The following PDGFD variants were observed in gnomAD, a reference collection of about 807,000 sequenced individuals.
PDGFD encodes platelet derived growth factor D, also known as platelet-derived growth factor D.
In PDGFD, 30 loss-of-function variants were observed where a neutral mutation model predicts 44.7. That is an observed-to-expected ratio of 0.67 (90% CI 0.50 to 0.91). The LOEUF is 0.91. PDGFD is among the 40% of genes least tolerant of loss of function. The pLI, the probability that PDGFD is intolerant of heterozygous loss-of-function variation, is 0.00. For synonymous variants in PDGFD, 173 were observed against 168.4 expected (o/e 1.03, Z -0.21); for missense variants, 445 against 457.8 (o/e 0.97, Z 0.25).
chr11:104,007,163 T>A (rs553526122), intron 1 of PDGFD, among the ~76,000 whole-genome samples: 29 of 152,292 alleles, frequency 1.9e-4, no homozygotes, highest in African/African-American at 7.0e-4. Flanking sequence ...ATGCGGGGGA[T>A]CAGGGAAGTA....
At chr11:103,972,091 C>A (rs12420483) in intron 3 of PDGFD, among the ~76,000 whole-genome samples, 39,359 of 152,076 alleles carry the variant, frequency 0.26, 5,815 homozygotes, top group Admixed American at 0.44. Flanking sequence ...TAAAATGTTC[C>A]AGAAAATCAC....
chr11:103,992,092 AAATATTTGAC>A (rs1188645054), intron 3 of PDGFD, among the ~76,000 whole-genome samples: 21 of 152,352 alleles, frequency 1.4e-4, no homozygotes, highest in Admixed American at 1.3e-3. Context: ...TCTCGCTACC[AAATATTTGAC>A]AACATTATCC....
At chr11:104,066,796 C>T (rs768521780) in intron 1 of PDGFD, among the ~76,000 whole-genome samples, 17 of 152,122 alleles carry the variant, frequency 1.1e-4, no homozygotes, top group African/African-American at 1.7e-4. Context: ...ATAGTTCATA[C>T]GATCAAATCA....
chr11:103,996,259 G>A lies in PDGFD; in HGVS notation c.330-14C>T. The stretch of plus-strand genomic sequence containing the variant: ...ACAAAATCATACCTAGAATCAATTG[G>A]ACATAATGAACAAGTTTTGATTAAA... On this transcript the variant is annotated splice_polypyrimidine_tract_variant and intron_variant, in intron 2 of 6. Coordinates refer to ENST00000393158, the MANE Select transcript of PDGFD (RefSeq NM_025208.5). 6.3e-7 allele frequency: 1 copy of A among 1,589,944 alleles called. No individual in the cohort carries two copies.
At chr11:104,034,367 A>AT (rs1317712374) in intron 1 of PDGFD, among the ~76,000 whole-genome samples, 1 of 152,072 alleles carries the variant, frequency 6.6e-6, no homozygotes, top group Non-Finnish European at 1.5e-5. Flanking sequence ...ATAAGCAAAT[A>AT]TGAGTATAGA....
rs937700383 is a variant in PDGFD at position 103,964,645 on chromosome 11, T to G, written c.511-16921A>C. 4.6e-5 allele frequency among the ~76,000 whole-genome samples: 7 copies of G among 152,068 alleles called. No homozygotes were observed. In the South Asian group the frequency reaches 8.3e-4, roughly 18 times the overall value. Reference sequence around the variant, plus strand: ...CACCCTTCTAATCTCTATCCAACCCTAATAAAAGGAAAACCACTTTGGTTC... The same window carrying G: ...CACCCTTCTAATCTCTATCCAACCCGAATAAAAGGAAAACCACTTTGGTTC... On this transcript the variant is annotated intron_variant, in intron 3 of 6. Transcript: ENST00000393158.
At chr11:104,097,795 T>G (rs1377722502) in intron 1 of PDGFD, among the ~76,000 whole-genome samples, 1 of 152,180 alleles carries the variant, frequency 6.6e-6, no homozygotes, top group Non-Finnish European at 1.5e-5. Context: ...GTCCAACTAC[T>G]TAACAAATGG....
chr11:104,048,957 TG>T (rs1860484595), intron 1 of PDGFD, among the ~76,000 whole-genome samples: 1 of 152,182 alleles, frequency 6.6e-6, no homozygotes, highest in African/African-American at 2.4e-5. Flanking sequence ...ACAAAAAACC[TG>T]TAAGAATTAA....
intron 1 of PDGFD, among the ~76,000 whole-genome samples, chr11:104,065,314 T>A (rs1860773525): frequency 6.6e-6 from 1 of 152,180 alleles, no homozygotes; most frequent in Admixed American, 6.5e-5. Flanking sequence ...CTAATATAAC[T>A]ACTATTTCTA....
At chr11:104,011,948 G>C (rs1859792485) in intron 1 of PDGFD, among the ~76,000 whole-genome samples, 1 of 152,052 alleles carries the variant, frequency 6.6e-6, no homozygotes, top group South Asian at 2.1e-4. Flanking sequence ...GATGCTCAAG[G>C]AAATAAATTT....
intron 3 of PDGFD, among the ~76,000 whole-genome samples, chr11:103,953,777 A>T (rs185804067): frequency 6.6e-6 from 1 of 152,340 alleles, no homozygotes; most frequent in Non-Finnish European, 1.5e-5. Context: ...CCTGGTAGGA[A>T]ATAAAAGTGT....
Position 103,908,934 on chromosome 11 carries a change from A to G in PDGFD, c.*760T>C, listed in dbSNP as rs1159829971. 1 of 152,182 alleles carries G rather than the reference A, an allele frequency of 6.6e-6. No individual in the cohort carries two copies. The highest frequency in any genetic ancestry group is 2.1e-4 in the South Asian group (1 of 4,824). The allele number at this position is 152,182 out of a possible 1,614,324, so 9.4% of individuals were successfully genotyped here. On this transcript the variant is annotated 3_prime_UTR_variant, in exon 7 of 7. Transcript: ENST00000393158. Reference sequence around the variant, plus strand: ...GTCTTTTGTAGGACTATAATAAAAAACCTTCTAAGTAAGTTTTTGAGATAG... The same window carrying G: ...GTCTTTTGTAGGACTATAATAAAAAGCCTTCTAAGTAAGTTTTTGAGATAG...
At chr11:104,093,318 A>G (rs963102879) in intron 1 of PDGFD, among the ~76,000 whole-genome samples, 17 of 152,120 alleles carry the variant, frequency 1.1e-4, no homozygotes, top group African/African-American at 3.9e-4. Flanking sequence ...ACACACACAC[A>G]CGCACACACA....
At chr11:104,030,590 T>TC (rs1271922132) in intron 1 of PDGFD, among the ~76,000 whole-genome samples, 1 of 152,198 alleles carries the variant, frequency 6.6e-6, no homozygotes, top group Non-Finnish European at 1.5e-5. Context: ...ACAACCACTT[T>TC]TTGAGAAGCT....
At chr11:104,070,531 T>C (rs1413326853) in intron 1 of PDGFD, among the ~76,000 whole-genome samples, 1 of 152,186 alleles carries the variant, frequency 6.6e-6, no homozygotes, top group Non-Finnish European at 1.5e-5. Flanking sequence ...TCAATATGTG[T>C]TTAAAGTTCT....
chr11:104,059,411 T>C (rs1860675274), intron 1 of PDGFD, among the ~76,000 whole-genome samples: 1 of 152,218 alleles, frequency 6.6e-6, no homozygotes. Flanking sequence ...TATATCTTTA[T>C]CATCCATTAT....
chr11:103,938,166 A>T (rs1300533771), intron 5 of PDGFD, among the ~76,000 whole-genome samples: 1 of 152,010 alleles, frequency 6.6e-6, no homozygotes, highest in Non-Finnish European at 1.5e-5. Context: ...TCACAGTCCC[A>T]CCAACAGTGT....
At chr11:103,911,287 G>A (rs1056840107) in intron 6 of PDGFD, among the ~76,000 whole-genome samples, 1 of 152,144 alleles carries the variant, frequency 6.6e-6, no homozygotes, top group Non-Finnish European at 1.5e-5. Context: ...TATCCTGACT[G>A]GGAGACATCT....
chr11:104,116,846 T>C (rs1397658179), intron 1 of PDGFD, among the ~76,000 whole-genome samples: 1 of 151,988 alleles, frequency 6.6e-6, no homozygotes, highest in Non-Finnish European at 1.5e-5. Flanking sequence ...TATCAGGGGT[T>C]TCTGCTTTTG....
Sources: allele counts gnomAD v4.1 joint callset (sites outside exome capture counted in the v4.1 genomes callset), GRCh38; gene constraint gnomAD v4.1.1; transcripts MANE v1.5; gene names NCBI Gene and HGNC (gene_info 2026-07-23, HGNC 2026-07-21).